MAP2K5: variants seen among roughly 807,000 people sequenced by gnomAD.
The protein encoded by MAP2K5 is dual specificity mitogen-activated protein kinase kinase 5.
MAP2K5 carries 49 observed loss-of-function variants against 83.1 expected under a neutral mutation model. That is an observed-to-expected ratio of 0.59 (90% CI 0.47 to 0.75). The LOEUF (loss-of-function observed/expected upper bound fraction) is 0.75. MAP2K5 is among the 30% of genes least tolerant of loss of function. MAP2K5 has a pLI of 0.00. For missense variants in MAP2K5, 457 were observed against 557.5 expected, an observed-to-expected ratio of 0.82 and a Z score of 1.82; for synonymous variants, 202 against 191.8, an observed-to-expected ratio of 1.05 and a Z score of -0.44.
In MAP2K5 at chr15:67,747,105, GGCGCT is replaced by G. The variant is rs1239683541; in HGVS notation, c.1075-1124_1075-1120del. On this transcript the variant is annotated intron_variant, in intron 17 of 21. Coordinates refer to ENST00000178640, the MANE Select transcript of MAP2K5 (RefSeq NM_145160.3). This position sits in a 1 kb window ranked among gnomAD's most constrained non-coding sequence, Gnocchi z 4.1. Reference sequence around the variant, plus strand: ...AGGAGCCCCAGCACCACCACACCCTGGCGCTGAGGCCTCAGGCCCGGACACTGTCC... The same window carrying G: ...AGGAGCCCCAGCACCACCACACCCTGGAGGCCTCAGGCCCGGACACTGTCC... 2.6e-5 allele frequency among the ~76,000 whole-genome samples: 4 copies of G among 152,234 alleles called. No homozygotes were observed. The highest frequency in any genetic ancestry group is 5.9e-5 in the Non-Finnish European group (4 of 68,042).
In MAP2K5 at chr15:67,547,438, C is replaced by G. The variant is rs184475797; in HGVS notation, c.136-2596C>G. On this transcript the variant is annotated intron_variant, in intron 1 of 21. Coordinates refer to ENST00000178640, the MANE Select transcript of MAP2K5 (RefSeq NM_145160.3). ...AATGGTCATCATCAAAATATGTAAA[C>G]TTCGGTTTTCTTTTTTCTTTTTTTT... 6.7e-5 allele frequency among the ~76,000 whole-genome samples: 10 copies of G among 148,432 alleles called. 1 individual carries two copies. In the East Asian group the frequency reaches 2.0e-3, roughly 29 times the overall value.
chr15:67,704,833 T>G (rs186989021), intron 16 of MAP2K5, among the ~76,000 whole-genome samples: 1 of 152,210 alleles, frequency 6.6e-6, no homozygotes, highest in African/African-American at 2.4e-5. Flanking sequence ...TAAATTGTTA[T>G]CATTTATTTT....
In MAP2K5 at chr15:67,565,191, C is replaced by CCTT. The variant is rs1209619176; in HGVS notation, c.252+1843_252+1845dup. ...ACTGTTTTACACTGTCTCTCCCCCA[C>CCTT]CTTCCTCTTTGCAGGATTTTTTTTA... On this transcript the variant is annotated intron_variant, in intron 3 of 21. Transcript: ENST00000178640. The surrounding 1 kb of genome is among the most constrained non-coding windows in gnomAD (Gnocchi z 4.1). 6.6e-6 allele frequency among the ~76,000 whole-genome samples: 1 copy of CCTT among 152,112 alleles called. No individual in the cohort carries two copies. Among genetic ancestry groups the CCTT allele is most frequent in the Non-Finnish European group, 1.5e-5 (1 of 68,010 alleles).
At chr15:67,788,971 CAAAA>C (rs58657384) in intron 21 of MAP2K5, among the ~76,000 whole-genome samples, 11 of 129,522 alleles carry the variant, frequency 8.5e-5, no homozygotes, top group Admixed American at 7.5e-5. Flanking sequence ...GACCCTGTCT[CAAAA>C]AAAAAAAAAA....
rs1311690679 is a variant in MAP2K5 at position 67,559,149 on chromosome 15, T to C, written c.185-4134T>C. Among the ~76,000 whole-genome samples the C allele has an allele frequency of 6.6e-6, 1 of 152,230 alleles. No individual in the cohort carries two copies. Among genetic ancestry groups the C allele is most frequent in the Non-Finnish European group, 1.5e-5 (1 of 68,038 alleles). On this transcript the variant is annotated intron_variant, in intron 2 of 21. Coordinates refer to ENST00000178640, the MANE Select transcript of MAP2K5 (RefSeq NM_145160.3). The surrounding 1 kb of genome is among the most constrained non-coding windows in gnomAD (Gnocchi z 4.7). Reference sequence around the variant, plus strand: ...GTCTTTCTAACTTCTATAATTATGTTTTCATTTCTTTTCTCTTACCTGGGA... The same window carrying C: ...GTCTTTCTAACTTCTATAATTATGTCTTCATTTCTTTTCTCTTACCTGGGA...
rs1337212027 is a variant in MAP2K5, at chr15:67,806,819, CGTA to C, written c.*70_*72del. The C allele has an allele frequency of 6.3e-7, 1 of 1,598,054 alleles. No individual in the cohort carries two copies. The highest frequency in any genetic ancestry group is 8.5e-7 in the Non-Finnish European group (1 of 1,179,342). Reference sequence around the variant, plus strand: ...GAACAACCCACCCGTCGCCCTTCTCCGTATGCTGCCTGCGCCAGAAGAGCTTTG... The same window carrying C: ...GAACAACCCACCCGTCGCCCTTCTCCTGCTGCCTGCGCCAGAAGAGCTTTG... On this transcript the variant is annotated 3_prime_UTR_variant, in exon 22 of 22. Coordinates refer to ENST00000178640, the MANE Select transcript of MAP2K5 (RefSeq NM_145160.3).
chr15:67,740,958 GTGGAGGT>G (rs913270596), intron 17 of MAP2K5, among the ~76,000 whole-genome samples: 10 of 151,766 alleles, frequency 6.6e-5, no homozygotes, highest in African/African-American at 2.2e-4. Flanking sequence ...AACTGGGGAG[GTGGAGGT>G]TGCAGTGAGC....
chr15:67,617,182 T>C (rs1027161360), intron 8 of MAP2K5, among the ~76,000 whole-genome samples: 3 of 152,214 alleles, frequency 2.0e-5, no homozygotes, highest in African/African-American at 7.2e-5. Context: ...ATTTATGACA[T>C]AGGATATTGT....
In MAP2K5 at chr15:67,585,698, C is replaced by CAT. The variant is rs1311934210; in HGVS notation, c.323-191_323-190dup. The CAT allele has an allele frequency of 9.2e-6, 5 of 542,484 alleles. No homozygotes were observed. In the African/African-American group the frequency reaches 9.5e-5, roughly 10 times the overall value. The allele number at this position is 542,484 out of a possible 1,614,324, so 33.6% of individuals were successfully genotyped here. ...TGAGGTGGTGTCAGAAAGCTCTTTGCATTTATAAATGCTCACTCCTGCAAG... is the reference window on the plus strand; with the variant it reads ...TGAGGTGGTGTCAGAAAGCTCTTTGCATATTTATAAATGCTCACTCCTGCAAG... On this transcript the variant is annotated intron_variant, in intron 4 of 21. Transcript: ENST00000178640.
chr15:67,756,779 A>G (rs2089846979), intron 19 of MAP2K5, among the ~76,000 whole-genome samples: 1 of 152,110 alleles, frequency 6.6e-6, no homozygotes, highest in African/African-American at 2.4e-5. Flanking sequence ...AAGTGAGATC[A>G]TGCAGTTTTT....
At chr15:67,729,606 T>C (rs2089176039) in intron 17 of MAP2K5, among the ~76,000 whole-genome samples, 1 of 150,110 alleles carries the variant, frequency 6.7e-6, no homozygotes, top group South Asian at 2.1e-4. Context: ...CCGTCTCTAC[T>C]AAAAATACAA....
chr15:67,710,463 T>C (rs2088662811), intron 16 of MAP2K5, among the ~76,000 whole-genome samples: 1 of 151,890 alleles, frequency 6.6e-6, no homozygotes, highest in South Asian at 2.1e-4. Context: ...ACAAGGTCAT[T>C]GTCACTGTCA....
At chr15:67,754,955 T>G (rs1243773614) in intron 19 of MAP2K5, among the ~76,000 whole-genome samples, 1 of 152,110 alleles carries the variant, frequency 6.6e-6, no homozygotes, top group Non-Finnish European at 1.5e-5. Context: ...AGGGAGAAGC[T>G]TAGAAGCTAG....
At chr15:67,762,976 C>A (rs1023353239) in intron 19 of MAP2K5, among the ~76,000 whole-genome samples, 2 of 152,184 alleles carry the variant, frequency 1.3e-5, no homozygotes, top group African/African-American at 2.4e-5. Flanking sequence ...AATGCCCACA[C>A]ATGTAATTTG....
rs754169921 is a variant in MAP2K5, at chr15:67,563,271, G to A, written c.185-12G>A. On this transcript the variant is annotated splice_polypyrimidine_tract_variant and intron_variant, in intron 2 of 21. Coordinates refer to ENST00000178640, the MANE Select transcript of MAP2K5 (RefSeq NM_145160.3). The surrounding 1 kb of genome is among the most constrained non-coding windows in gnomAD (Gnocchi z 4.5). ...GCACACCTTATCATTTGCATTATGT[G>A]CTTTTAAACAGATGAAGATGAAGAT... 6 of 1,607,868 alleles carry A rather than the reference G, an allele frequency of 3.7e-6. No individual in the cohort carries two copies. The highest frequency in any genetic ancestry group is 5.1e-6 in the Non-Finnish European group (6 of 1,178,192).
intron 9 of MAP2K5, among the ~76,000 whole-genome samples, chr15:67,634,082 G>A (rs1221044807): frequency 6.6e-6 from 1 of 152,022 alleles, no homozygotes; most frequent in East Asian, 1.9e-4. Context: ...TGAAAAGAAT[G>A]TATAGCCTGC....
intron 3 of MAP2K5, among the ~76,000 whole-genome samples, chr15:67,568,111 T>G (rs2084878208): frequency 6.6e-6 from 1 of 152,182 alleles, no homozygotes; most frequent in African/African-American, 2.4e-5. Flanking sequence ...TTTTCATCAT[T>G]TTGTCTATTC....
In MAP2K5 at chr15:67,764,597, T is replaced by C. The variant is rs919838253; in HGVS notation, c.1135-5005T>C. 1.1e-4 allele frequency among the ~76,000 whole-genome samples: 16 copies of C among 152,316 alleles called. No homozygotes were observed. Among genetic ancestry groups the C allele is most frequent in the East Asian group, 1.9e-4 (1 of 5,186 alleles). Reference sequence around the variant, plus strand: ...ATTCTTTGAGGATATGGATTAAGTATCAGCCATTCCACAATGCCAGGCTCA... The same window carrying C: ...ATTCTTTGAGGATATGGATTAAGTACCAGCCATTCCACAATGCCAGGCTCA... On this transcript the variant is annotated intron_variant, in intron 19 of 21. Coordinates refer to ENST00000178640, the MANE Select transcript of MAP2K5 (RefSeq NM_145160.3). This position sits in a 1 kb window ranked among gnomAD's most constrained non-coding sequence, Gnocchi z 4.9.
intron 13 of MAP2K5, among the ~76,000 whole-genome samples, chr15:67,680,879 G>C (rs1238908458): frequency 6.6e-6 from 1 of 152,134 alleles, no homozygotes; most frequent in Non-Finnish European, 1.5e-5. Flanking sequence ...GAACACACTT[G>C]CTACCCTAGA....
Sources: allele counts gnomAD v4.1 joint callset (sites outside exome capture counted in the v4.1 genomes callset), GRCh38; gene constraint gnomAD v4.1.1; non-coding constraint Gnocchi (gnomAD v3.1); transcripts MANE v1.5; gene names NCBI Gene and HGNC (gene_info 2026-07-23, HGNC 2026-07-21).